NELL2: variants seen among roughly 807,000 people sequenced by gnomAD.
The protein encoded by NELL2 is neural EGFL like 2, also known as protein kinase C-binding protein NELL2.
In NELL2, 41 loss-of-function variants were observed where a neutral mutation model predicts 109.6. That is an observed-to-expected ratio of 0.37 (90% CI 0.29 to 0.49). The LOEUF (loss-of-function observed/expected upper bound fraction) is 0.49, where lower values mean the gene tolerates loss of function less well. Among genes scored for constraint, NELL2 ranks in the 20% least tolerant of loss-of-function variants. The probability of loss-of-function intolerance (pLI) is 0.98; values close to 1 mark genes in which losing one functional copy is unlikely to be tolerated. For synonymous variants in NELL2, 355 were observed against 344.7 expected, an observed-to-expected ratio of 1.03 and a Z score of -0.33; for missense variants, 900 against 1,008.3, an observed-to-expected ratio of 0.89 and a Z score of 1.45.
intron 1 of NELL2, among the ~76,000 whole-genome samples, chr12:44,904,537 A>G (rs1200680272): frequency 6.6e-6 from 1 of 152,164 alleles, no homozygotes; most frequent in South Asian, 2.1e-4. Context: ...TGAAAGCCAC[A>G]TGATGGAAGG....
chr12:44,625,282 A>G (rs193047150), intron 13 of NELL2, among the ~76,000 whole-genome samples: 175 of 152,030 alleles, frequency 1.2e-3, no homozygotes, highest in African/African-American at 3.7e-3. Flanking sequence ...GACTGCCTTC[A>G]TTATAAAGAT....
rs77483904 is a variant in NELL2 at position 44,539,921 on chromosome 12, T to C, written c.1664-7200A>G. ...AGTGGAACACTCACTATGCCACACT[T>C]GAGTTCTGCTAGGGTTGGAGGGGAA... is the stretch of plus-strand genomic sequence containing the variant. On this transcript the variant is annotated intron_variant, in intron 15 of 19. Coordinates refer to ENST00000429094, the MANE Select transcript of NELL2 (RefSeq NM_001145108.2). 7.3e-3 allele frequency among the ~76,000 whole-genome samples: 1,115 copies of C among 152,274 alleles called. 10 individuals carry two copies. The highest frequency in any genetic ancestry group is 0.025 in the African/African-American group (1,052 of 41,548).
intron 12 of NELL2, among the ~76,000 whole-genome samples, chr12:44,670,252 T>C (rs573067892): frequency 6.6e-6 from 1 of 152,268 alleles, no homozygotes; most frequent in South Asian, 2.1e-4. Context: ...GGTAATCCTA[T>C]ATCTGAAAGT....
At chr12:44,791,675 AATG>A (rs1172930119) in intron 3 of NELL2, among the ~76,000 whole-genome samples, 1 of 152,052 alleles carries the variant, frequency 6.6e-6, no homozygotes, top group Non-Finnish European at 1.5e-5. Context: ...TTTTGACTCT[AATG>A]TTTTGTACTT....
At chr12:44,574,329 A>C (rs1357165766) in intron 15 of NELL2, among the ~76,000 whole-genome samples, 4 of 152,148 alleles carry the variant, frequency 2.6e-5, no homozygotes, top group Non-Finnish European at 5.9e-5. Flanking sequence ...TTATAATTAC[A>C]AAAAGAGTTG....
At chr12:44,911,381 A>G (rs1320783070) in intron 1 of NELL2, among the ~76,000 whole-genome samples, 1 of 152,022 alleles carries the variant, frequency 6.6e-6, no homozygotes, top group Admixed American at 6.6e-5. Flanking sequence ...AAGAAATAAC[A>G]TATATTTCTC....
intron 9 of NELL2, among the ~76,000 whole-genome samples, chr12:44,743,057 T>C (rs1424455313): frequency 3.3e-5 from 5 of 151,864 alleles, no homozygotes; most frequent in East Asian, 3.9e-4. Context: ...GAGAGAAAGG[T>C]TGGGTTACCC....
At chr12:44,849,868 A>G (rs542465457) in intron 2 of NELL2, among the ~76,000 whole-genome samples, 39 of 152,318 alleles carry the variant, frequency 2.6e-4, no homozygotes, top group African/African-American at 4.8e-4. Context: ...TGTTAACTTA[A>G]GTGAAAAAAG....
chr12:44,627,018 C>T (rs1055925577), intron 13 of NELL2, among the ~76,000 whole-genome samples: 15 of 152,206 alleles, frequency 9.9e-5, no homozygotes, highest in African/African-American at 3.4e-4. Flanking sequence ...AATCCCAGAA[C>T]GTGAAAGCTT....
At chr12:44,749,215 T>A (rs1182219922) in intron 9 of NELL2, among the ~76,000 whole-genome samples, 1 of 152,130 alleles carries the variant, frequency 6.6e-6, no homozygotes, top group African/African-American at 2.4e-5. Flanking sequence ...CCAAAGAAAT[T>A]TCCCTCGGGA....
At chr12:44,906,740 T>A (rs1302974587) in intron 1 of NELL2, among the ~76,000 whole-genome samples, 1 of 152,016 alleles carries the variant, frequency 6.6e-6, no homozygotes, top group Non-Finnish European at 1.5e-5. Context: ...AGAAGGTAAG[T>A]CCGGGACATA....
At chr12:44,628,984 G>C (rs1946361020) in intron 13 of NELL2, among the ~76,000 whole-genome samples, 1 of 141,820 alleles carries the variant, frequency 7.1e-6, no homozygotes, top group Non-Finnish European at 1.5e-5. Flanking sequence ...TCTGTTCAGT[G>C]TAGAATAACT....
At chr12:44,763,642 T>C (rs1416399401) in intron 9 of NELL2, among the ~76,000 whole-genome samples, 1 of 152,212 alleles carries the variant, frequency 6.6e-6, no homozygotes, top group East Asian at 1.9e-4. Context: ...CACTTGCTTT[T>C]AGCATCATGA....
chr12:44,848,136 C>T (rs1320395158), intron 2 of NELL2, among the ~76,000 whole-genome samples: 1 of 151,706 alleles, frequency 6.6e-6, no homozygotes, highest in African/African-American at 2.4e-5. Flanking sequence ...GGCATAGCCA[C>T]ATCAAAGTAA....
chr12:44,613,591 T>G (rs564352562), intron 13 of NELL2, among the ~76,000 whole-genome samples: 1 of 152,202 alleles, frequency 6.6e-6, no homozygotes, highest in South Asian at 2.1e-4. Flanking sequence ...AAACAGAAAA[T>G]ATTAATTCCT....
At chr12:44,632,231 G>A (rs114564309) in intron 13 of NELL2, among the ~76,000 whole-genome samples, 6 of 152,060 alleles carry the variant, frequency 3.9e-5, no homozygotes, top group Admixed American at 1.3e-4. Context: ...AATAGTGAAA[G>A]GCTTGTTGTT....
intron 9 of NELL2, among the ~76,000 whole-genome samples, chr12:44,760,123 T>G (rs986597920): frequency 6.6e-6 from 1 of 152,198 alleles, no homozygotes; most frequent in Non-Finnish European, 1.5e-5. Flanking sequence ...ACAGTGGATT[T>G]CATTTCCTTA....
intron 15 of NELL2, among the ~76,000 whole-genome samples, chr12:44,588,898 A>G (rs1436525040): frequency 2.6e-5 from 4 of 152,006 alleles, no homozygotes; most frequent in Admixed American, 1.3e-4. Flanking sequence ...CATCTAATCG[A>G]CTTTCTGTCT....
chr12:44,664,058 T>C (rs1226641411), intron 13 of NELL2, among the ~76,000 whole-genome samples: 1 of 152,102 alleles, frequency 6.6e-6, no homozygotes, highest in Non-Finnish European at 1.5e-5. Context: ...TTAGTTTTCT[T>C]GTTAAAGATG....
Sources: gnomAD v4.1 joint callset for allele counts (sites outside exome capture counted in the v4.1 genomes callset) on GRCh38, gnomAD v4.1.1 for gene constraint, MANE v1.5 for transcripts, NCBI Gene and HGNC (gene_info 2026-07-23, HGNC 2026-07-21) for gene names.